RPS6KA2: variants seen among roughly 807,000 people sequenced by gnomAD.
The protein encoded by RPS6KA2 is ribosomal protein S6 kinase A2.
In RPS6KA2, 42 loss-of-function variants were observed where a neutral mutation model predicts 91.8. That is an observed-to-expected ratio of 0.46 (90% CI 0.36 to 0.59). The LOEUF is 0.59. RPS6KA2 is among the 20% of genes least tolerant of loss of function. The pLI, the probability that RPS6KA2 is intolerant of heterozygous loss-of-function variation, is 0.00. For synonymous variants in RPS6KA2, 414 were observed against 393.6 expected, an observed-to-expected ratio of 1.05 and a Z score of -0.61; for missense variants, 798 against 978.5, an observed-to-expected ratio of 0.82 and a Z score of 2.46.
chr6:166,833,211 G>T (rs777236360), intron 2 of RPS6KA2, among the ~76,000 whole-genome samples: 4 of 152,214 alleles, frequency 2.6e-5, no homozygotes, highest in Non-Finnish European at 5.9e-5. Context: ...TCACAGCCAG[G>T]TGATCTGATG....
In RPS6KA2 at chr6:166,821,596, G is replaced by A. The variant is rs1403414455; in HGVS notation, c.123+36604C>T. ...CCCTCCTCCCACCGTAACCACCTAC[G>A]CTCCCCTGGGTTTCCTCCCCCTCAC... On this transcript the variant is annotated intron_variant, in intron 2 of 21. Coordinates refer to the RPS6KA2 transcript ENST00000503859. This position sits in a 1 kb window ranked among gnomAD's most constrained non-coding sequence, Gnocchi z 4.1. 2.0e-5 allele frequency among the ~76,000 whole-genome samples: 3 copies of A among 151,942 alleles called. No individual in the cohort carries two copies. Among genetic ancestry groups the A allele is most frequent in the Non-Finnish European group, 2.9e-5 (2 of 67,968 alleles).
At chr6:166,492,104 A>G (rs1048369865) in intron 8 of RPS6KA2, among the ~76,000 whole-genome samples, 2 of 152,176 alleles carry the variant, frequency 1.3e-5, no homozygotes, top group Non-Finnish European at 2.9e-5. Flanking sequence ...TAAAGAAATG[A>G]ATGCATTTAA....
intron 2 of RPS6KA2, chr6:166,701,594 G>A: frequency 9.7e-6 from 13 of 1,345,136 alleles, no homozygotes; most frequent in Non-Finnish European, 1.4e-5. Flanking sequence ...GATAGAGCCG[G>A]GATAAACAGA....
chr6:166,667,053 T>C (rs1480172401), intron 2 of RPS6KA2, among the ~76,000 whole-genome samples: 2 of 152,056 alleles, frequency 1.3e-5, no homozygotes, highest in Non-Finnish European at 2.9e-5. Context: ...ACTCAAATCA[T>C]AGAGACAGAG....
chr6:166,504,820 G>T (rs776625645), intron 5 of RPS6KA2, among the ~76,000 whole-genome samples: 1 of 152,108 alleles, frequency 6.6e-6, no homozygotes. Flanking sequence ...GGATGGAGAC[G>T]AGGGCTTCCT....
chr6:166,546,065 G>A (rs191307806), intron 1 of RPS6KA2, among the ~76,000 whole-genome samples: 81 of 152,244 alleles, frequency 5.3e-4, no homozygotes, highest in Non-Finnish European at 8.8e-4. Context: ...TGTCTGACAC[G>A]GTGTTTTAGG....
At position 166,662,532 on chromosome 6, in the gene RPS6KA2, G is replaced by T. The variant is rs371887777; in HGVS notation, c.124-123748C>A. ...GAAAGAGTCTCTTAGCATTATGAGGGTTATTTATGTTATGAACACCAGTTA... is the reference window on the plus strand; with the variant it reads ...GAAAGAGTCTCTTAGCATTATGAGGTTTATTTATGTTATGAACACCAGTTA... On this transcript the variant is annotated intron_variant, in intron 2 of 21. Transcript: ENST00000503859. This position sits in a 1 kb window ranked among gnomAD's most constrained non-coding sequence, Gnocchi z 4.3. Among the ~76,000 whole-genome samples, 89 of 152,270 alleles carry T rather than the reference G, an allele frequency of 5.8e-4. No individual in the cohort carries two copies. Among genetic ancestry groups the T allele is most frequent in the African/African-American group, 2.1e-3 (87 of 41,562 alleles).
intron 1 of RPS6KA2, chr6:166,586,173 T>C (rs1785163654): frequency 2.5e-6 from 4 of 1,572,060 alleles, no homozygotes; most frequent in Middle Eastern, 3.3e-4. Context: ...TCCATATTGC[T>C]GGGGATAGTA....
intron 1 of RPS6KA2, among the ~76,000 whole-genome samples, chr6:166,569,851 C>G: frequency 6.6e-6 from 1 of 152,328 alleles, no homozygotes; most frequent in Admixed American, 6.5e-5. Context: ...GTCTTCCCCT[C>G]GTCCTTCAGG....
At chr6:166,731,778 C>T (rs1331808531) in intron 2 of RPS6KA2, among the ~76,000 whole-genome samples, 2 of 152,082 alleles carry the variant, frequency 1.3e-5, no homozygotes, top group Admixed American at 6.5e-5. Context: ...TGAATTTGCA[C>T]GGACTGAAGC....
chr6:166,656,141 T>A (rs1227097750), intron 2 of RPS6KA2, among the ~76,000 whole-genome samples: 1 of 152,242 alleles, frequency 6.6e-6, no homozygotes, highest in African/African-American at 2.4e-5. Context: ...GAGAGCTTCT[T>A]ATTTACATAA....
intron 1 of RPS6KA2, among the ~76,000 whole-genome samples, chr6:166,619,616 G>C (rs1312794876): frequency 6.6e-6 from 1 of 152,214 alleles, no homozygotes; most frequent in African/African-American, 2.4e-5. Flanking sequence ...AGAGCCCCCT[G>C]GGCTTCCTGC....
chr6:166,846,795 G>A (rs1038321273), intron 2 of RPS6KA2, among the ~76,000 whole-genome samples: 3 of 152,114 alleles, frequency 2.0e-5, no homozygotes, highest in African/African-American at 7.2e-5. Flanking sequence ...CCTGAGAACT[G>A]GAACAAGACA....
intron 2 of RPS6KA2, among the ~76,000 whole-genome samples, chr6:166,658,399 G>A (rs1331547779): frequency 3.9e-5 from 6 of 152,194 alleles, no homozygotes; most frequent in Admixed American, 1.3e-4. Context: ...TCACAGCTGC[G>A]GAGCTGGTCG....
chr6:166,711,525 A>G (rs1339348875), intron 2 of RPS6KA2, among the ~76,000 whole-genome samples: 2 of 151,766 alleles, frequency 1.3e-5, no homozygotes, highest in African/African-American at 4.8e-5. Context: ...AAACCAATGG[A>G]GAAACAGAGC....
At chr6:166,596,322 G>T (rs1289648057) in intron 1 of RPS6KA2, among the ~76,000 whole-genome samples, 1 of 152,200 alleles carries the variant, frequency 6.6e-6, no homozygotes, top group African/African-American at 2.4e-5. Flanking sequence ...GTCTGTGAGG[G>T]TGCTGCCGAA....
intron 2 of RPS6KA2, among the ~76,000 whole-genome samples, chr6:166,638,772 C>T (rs1430248022): frequency 2.0e-5 from 3 of 152,146 alleles, no homozygotes; most frequent in African/African-American, 2.4e-5. Context: ...GTGGGGCTAC[C>T]GGCATCTCGT....
intron 2 of RPS6KA2, among the ~76,000 whole-genome samples, chr6:166,707,176 G>A (rs1200704616): frequency 2.6e-5 from 4 of 152,238 alleles, no homozygotes; most frequent in African/African-American, 4.8e-5. Context: ...GGCAGCACTG[G>A]ACAGATAACC....
rs756060310 is a variant in RPS6KA2, at chr6:166,500,102, C to T, written c.604+785G>A. 2.4e-4 allele frequency among the ~76,000 whole-genome samples: 37 copies of T among 152,208 alleles called. No homozygotes were observed. Among genetic ancestry groups the T allele is most frequent in the Non-Finnish European group, 4.0e-4 (27 of 68,032 alleles). On this transcript the variant is annotated intron_variant, in intron 7 of 20. Transcript: ENST00000265678. This position sits in a 1 kb window ranked among gnomAD's most constrained non-coding sequence, Gnocchi z 4.3. ...GGGGACGCAGCCCAGCCAAGGACTG[C>T]GGGCAGCTTCTACTAGCTGGAAGAA... is the stretch of plus-strand genomic sequence containing the variant.
Sources: allele counts gnomAD v4.1 joint callset (sites outside exome capture counted in the v4.1 genomes callset), GRCh38; gene constraint gnomAD v4.1.1; non-coding constraint Gnocchi (gnomAD v3.1); transcripts MANE v1.5; gene names NCBI Gene and HGNC (gene_info 2026-07-23, HGNC 2026-07-21).